Variants in LMX1B observed in about 807,000 individuals in gnomAD.
LMX1B encodes the protein LIM homeobox transcription factor 1-beta.
In LMX1B, 12 loss-of-function variants were observed where a neutral mutation model predicts 51.4. The ratio of observed to expected loss-of-function variants is 0.23; its 90% CI spans 0.15 to 0.38. The LOEUF (loss-of-function observed/expected upper bound fraction) is 0.38, where lower values mean the gene tolerates loss of function less well. LMX1B is among the 10% of genes least tolerant of loss of function. The pLI is 1.00. For missense variants in LMX1B, 445 were observed against 571.1 expected (o/e 0.78, Z 2.25); for synonymous variants, 237 against 235.4 (o/e 1.01, Z -0.06).
Position 126,695,814 on chromosome 9 carries a change from G to A in LMX1B, c.887-25G>A. 6.2e-7 allele frequency: 1 copy of A among 1,611,736 alleles called. No individual in the cohort carries two copies. Among genetic ancestry groups the A allele is most frequent in the Non-Finnish European group, 8.5e-7 (1 of 1,179,258 alleles). Reference sequence around the variant, plus strand: ...CTGGGAGGGCGTGGACCAGGCCAGGGGGTGAAGGCTCACTGTGCCCCCAGA... The same window carrying A: ...CTGGGAGGGCGTGGACCAGGCCAGGAGGTGAAGGCTCACTGTGCCCCCAGA... On this transcript the variant is annotated intron_variant, in intron 6 of 7. Coordinates refer to ENST00000373474, the MANE Select transcript of LMX1B (RefSeq NM_001174147.2). This position sits in a 1 kb window ranked among gnomAD's most constrained non-coding sequence, Gnocchi z 5.2.
In LMX1B at chr9:126,695,158, C is replaced by A. The variant is rs1440820865; in HGVS notation, c.887-681C>A. On this transcript the variant is annotated intron_variant, in intron 6 of 7. Coordinates refer to ENST00000373474, the MANE Select transcript of LMX1B (RefSeq NM_001174147.2). This position sits in a 1 kb window ranked among gnomAD's most constrained non-coding sequence, Gnocchi z 5.2. ...AGAGACCCCACCCTTCCTCTGGCTT[C>A]CTCACCCACTGGCCCCAGCCTCGGT... 6.6e-6 allele frequency among the ~76,000 whole-genome samples: 1 copy of A among 152,194 alleles called. No homozygotes were observed. The highest frequency in any genetic ancestry group is 1.5e-5 in the Non-Finnish European group (1 of 68,018).
intron 2 of LMX1B, among the ~76,000 whole-genome samples, chr9:126,624,129 A>G (rs1429291200): frequency 1.3e-5 from 2 of 152,158 alleles, no homozygotes; most frequent in Non-Finnish European, 2.9e-5. Context: ...CAGCTGATTT[A>G]TGGAGGAATT....
intron 2 of LMX1B, among the ~76,000 whole-genome samples, chr9:126,660,218 C>A (rs1836216986): frequency 6.6e-6 from 1 of 150,934 alleles, no homozygotes; most frequent in Non-Finnish European, 1.5e-5. Context: ...GTGGGGGTGT[C>A]TACACTGGCC....
At chr9:126,619,080 G>A (rs545461515) in intron 2 of LMX1B, among the ~76,000 whole-genome samples, 80 of 152,322 alleles carry the variant, frequency 5.3e-4, no homozygotes, top group African/African-American at 1.9e-3. Context: ...GCCTGTCCAG[G>A]TAGGATGTGC....
chr9:126,638,773 G>GC (rs549312617), intron 2 of LMX1B, among the ~76,000 whole-genome samples: 1 of 152,264 alleles, frequency 6.6e-6, no homozygotes, highest in East Asian at 1.9e-4. Flanking sequence ...ATTAACACGG[G>GC]CCGGCGGCGC....
Position 126,695,934 on chromosome 9 carries a change from G to A in LMX1B, c.982G>A (p.Gly328Ser), listed in dbSNP as rs373336352. 6.8e-6 allele frequency: 11 copies of A among 1,613,212 alleles called. No individual in the cohort carries two copies. Among genetic ancestry groups the A allele is most frequent in the Admixed American group, 1.7e-5 (1 of 59,972 alleles). The change falls in exon 7 of 8, where the codon GGC becomes AGC. Residue 328 changes from glycine (G) to serine (S), a missense_variant. By Grantham distance (56) the Gly-to-Ser change is moderately conservative (BLOSUM62 0). Transcript: ENST00000373474. This position sits in a 1 kb window ranked among gnomAD's most constrained non-coding sequence, Gnocchi z 5.2. The stretch of plus-strand genomic sequence containing the variant: ...CGTGGCCATGGAACAGAGCCCCTAC[G>A]GCAGCAGCGACCCCTTCCAGCAGGG... ...QIVAMEQSPYGSSDPFQQGLT... is the reference protein window; with the variant it reads ...QIVAMEQSPYSSSDPFQQGLT...
At chr9:126,669,240 G>A (rs1421515424) in intron 2 of LMX1B, among the ~76,000 whole-genome samples, 3 of 117,736 alleles carry the variant, frequency 2.5e-5, no homozygotes, top group Non-Finnish European at 3.6e-5. Flanking sequence ...AGGCCTGGCC[G>A]CGAGGAGGGT....
At chr9:126,622,939 T>A (rs868021243) in intron 2 of LMX1B, among the ~76,000 whole-genome samples, 6 of 152,246 alleles carry the variant, frequency 3.9e-5, no homozygotes, top group Admixed American at 3.9e-4. Flanking sequence ...AAGGGGGTAG[T>A]AATTCCAATC....
At chr9:126,686,095 C>T (rs534128013) in intron 2 of LMX1B, among the ~76,000 whole-genome samples, 10 of 152,050 alleles carry the variant, frequency 6.6e-5, no homozygotes, top group East Asian at 3.9e-4. Context: ...CTGGCTAACA[C>T]GGTGAAACCC....
In LMX1B at chr9:126,614,052, C is replaced by T. The variant is rs1260503796; in HGVS notation, c.-398C>T. On this transcript the variant is annotated 5_prime_UTR_variant, in exon 1 of 8. Transcript: ENST00000373474. Reference sequence around the variant, plus strand: ...GGACCCCGCTGCGCCGCGCGCCCCCCCCGCGGCCCGCGGGGCCGCCCCTGC... The same window carrying T: ...GGACCCCGCTGCGCCGCGCGCCCCCTCCGCGGCCCGCGGGGCCGCCCCTGC... Among the ~76,000 whole-genome samples the T allele has an allele frequency of 1.4e-5, 2 of 138,254 alleles. No homozygotes were observed. Among genetic ancestry groups the T allele is most frequent in the Admixed American group, 7.0e-5 (1 of 14,300 alleles). The allele number at this position is 138,254 out of a possible 152,430, so 90.7% of individuals were successfully genotyped here.
intron 2 of LMX1B, among the ~76,000 whole-genome samples, chr9:126,624,291 AAG>A (rs1225642199): frequency 3.3e-5 from 5 of 152,168 alleles, no homozygotes; most frequent in Non-Finnish European, 7.4e-5. Context: ...GCGGTCCAGA[AAG>A]AGCCAGTGAT....
At chr9:126,624,042 A>C (rs1835472212) in intron 2 of LMX1B, among the ~76,000 whole-genome samples, 1 of 152,236 alleles carries the variant, frequency 6.6e-6, no homozygotes, top group Non-Finnish European at 1.5e-5. Context: ...CCAGGGGTTT[A>C]GCCCGGATTT....
intron 2 of LMX1B, among the ~76,000 whole-genome samples, chr9:126,665,151 T>C (rs1350114717): frequency 1.3e-5 from 2 of 152,246 alleles, no homozygotes; most frequent in African/African-American, 2.4e-5. Flanking sequence ...GGTGGGGTGT[T>C]CCTCCATGCC....
At position 126,625,697 on chromosome 9, in the gene LMX1B, C is replaced by T. The variant is rs1467583967; in HGVS notation, c.326+10128C>T. 6.6e-6 allele frequency among the ~76,000 whole-genome samples: 1 copy of T among 152,204 alleles called. No homozygotes were observed. Among genetic ancestry groups the T allele is most frequent in the East Asian group, 1.9e-4 (1 of 5,190 alleles). Reference sequence around the variant, plus strand: ...TCCGCCAGGCCCGTGGCGCCTTTCTCGCCACCTCCGCCGCCGCCGCCGCCA... The same window carrying T: ...TCCGCCAGGCCCGTGGCGCCTTTCTTGCCACCTCCGCCGCCGCCGCCGCCA... On this transcript the variant is annotated intron_variant, in intron 2 of 7. Coordinates refer to ENST00000373474, the MANE Select transcript of LMX1B (RefSeq NM_001174147.2). The surrounding 1 kb of genome is among the most constrained non-coding windows in gnomAD (Gnocchi z 5.3).
chr9:126,636,843 G>A (rs551634817), intron 2 of LMX1B, among the ~76,000 whole-genome samples: 51 of 152,314 alleles, frequency 3.3e-4, no homozygotes, highest in African/African-American at 1.2e-3. Flanking sequence ...TGGGCACCAG[G>A]CGTCCGTGGC....
intron 2 of LMX1B, among the ~76,000 whole-genome samples, chr9:126,651,959 G>C (rs1047792913): frequency 6.6e-6 from 1 of 151,814 alleles, no homozygotes; most frequent in African/African-American, 2.4e-5. Flanking sequence ...GAGACAAAAA[G>C]AAACCCAAAT....
intron 2 of LMX1B, among the ~76,000 whole-genome samples, chr9:126,657,533 G>C (rs1836141523): frequency 6.7e-6 from 1 of 150,066 alleles, no homozygotes; most frequent in Admixed American, 6.6e-5. Context: ...GACTGGGGTT[G>C]GGGGGAGAAG....
At position 126,690,850 on chromosome 9, in the gene LMX1B, A is replaced by T. The variant is rs778720668; in HGVS notation, c.341A>T (p.Lys114Met). ...KQDYQQLFAAKCSGCMEKIAP... is the reference protein window; with the variant it reads ...KQDYQQLFAAMCSGCMEKIAP... ...TGCATCCGCAGGCTCTTCGCGGCCAAGTGCAGCGGCTGCATGGAGAAGATC... is the reference window on the plus strand; with the variant it reads ...TGCATCCGCAGGCTCTTCGCGGCCATGTGCAGCGGCTGCATGGAGAAGATC... The change falls in exon 3 of 8, where the codon AAG (lysine) becomes ATG (methionine). Residue 114 changes from lysine (K) to methionine (M), a missense_variant. Lys to Met is a moderately conservative substitution (Grantham distance 95). This residue lies in a region of LMX1B where 273 missense variants were observed against 343.3 expected (regional missense o/e 0.80). Transcript: ENST00000373474. 6.2e-7 allele frequency: 1 copy of T among 1,611,480 alleles called. No individual in the cohort carries two copies. The highest frequency in any genetic ancestry group is 2.2e-5 in the East Asian group (1 of 44,824).
intron 2 of LMX1B, among the ~76,000 whole-genome samples, chr9:126,657,656 G>A (rs1010442215): frequency 2.0e-5 from 3 of 152,202 alleles, no homozygotes; most frequent in Admixed American, 6.5e-5. Flanking sequence ...TGCAGCTCCC[G>A]GGCCAGAGTT....
Sources: allele counts gnomAD v4.1 joint callset (sites outside exome capture counted in the v4.1 genomes callset), GRCh38; gene constraint gnomAD v4.1.1; regional missense constraint gnomAD v4.1.1; non-coding constraint Gnocchi (gnomAD v3.1); transcripts MANE v1.5; gene names NCBI Gene and HGNC (gene_info 2026-07-23, HGNC 2026-07-21).